The following CLSPN variants were observed in gnomAD, a reference collection of about 807,000 sequenced individuals.
CLSPN encodes the protein claspin, also known as claspin homolog.
A neutral mutation model predicts 156.3 loss-of-function variants in CLSPN; 85 were observed. The ratio of observed to expected loss-of-function variants is 0.54; its 90% CI spans 0.46 to 0.65. The LOEUF (loss-of-function observed/expected upper bound fraction) is 0.65. CLSPN is among the 30% of genes least tolerant of loss of function. The probability of loss-of-function intolerance (pLI) is 0.00; values close to 1 mark genes in which losing one functional copy is unlikely to be tolerated. For synonymous variants in CLSPN, 534 were observed against 542.4 expected (o/e 0.98, Z 0.22); for missense variants, 1,407 against 1,554.9 (o/e 0.90, Z 1.60).
intron 23 of CLSPN, 34 bp from the exon 24 acceptor site, chr1:35,737,109 C>G: frequency 6.2e-7 from 1 of 1,600,932 alleles, no homozygotes; most frequent in East Asian, 2.2e-5. Context: ...TATCAAATCC[C>G]AAGTGCCAAC....
intron 8 of CLSPN, among the ~76,000 whole-genome samples, chr1:35,758,900 C>T (rs1228642596): frequency 2.0e-5 from 3 of 150,898 alleles, no homozygotes; most frequent in African/African-American, 7.3e-5. Flanking sequence ...TCCCGAGTAG[C>T]TGGAACTACA....
intron 23 of CLSPN, 119 bp from the exon 24 acceptor site, chr1:35,737,194 G>A (rs1020778558): frequency 2.4e-6 from 3 of 1,241,544 alleles, no homozygotes; most frequent in Non-Finnish European, 3.5e-6. Flanking sequence ...TATTCAAATA[G>A]AAAAGAAATA....
downstream of CLSPN, among the ~76,000 whole-genome samples, chr1:35,731,002 C>T (rs188253413): frequency 5.5e-4 from 83 of 151,696 alleles, no homozygotes; most frequent in African/African-American, 1.9e-3. Flanking sequence ...GAGTTCGAGA[C>T]CAGCCTGACC....
rs1183956285 is a variant in CLSPN at position 35,733,691 on chromosome 1, G to T, written c.*2805C>A. On this transcript the variant is annotated 3_prime_UTR_variant, in exon 25 of 25. Coordinates refer to ENST00000318121, the MANE Select transcript of CLSPN (RefSeq NM_022111.4). ...CTAAAGAGAAAGGCCAATCAAAGCT[G>T]TAACAGGCTGGGCATGGTGGCTGAG... 2 of 985,278 alleles carry T rather than the reference G, an allele frequency of 2.0e-6. No homozygotes were observed. Among genetic ancestry groups the T allele is most frequent in the Non-Finnish European group, 2.4e-6 (2 of 829,914 alleles). The allele number at this position is 985,278 out of a possible 1,614,324, so 61.0% of individuals were successfully genotyped here.
In CLSPN at chr1:35,761,152, AT is replaced by A. The variant is rs1286109156; in HGVS notation, c.947del (p.Asp316ValfsTer19). On this transcript the variant is annotated frameshift_variant, in exon 7 of 25. Coordinates refer to ENST00000318121, the MANE Select transcript of CLSPN (RefSeq NM_022111.4). LOFTEE classifies it high-confidence loss of function. ...TGGGCCGGGGTTTACGTTTGAAGAAATCATGAATGGTTTTATTCTCAGGCAT... is the reference window on the plus strand; with the variant it reads ...TGGGCCGGGGTTTACGTTTGAAGAAACATGAATGGTTTTATTCTCAGGCAT... ...YHMPENKTIH[D>X]FFKRKPRPTC... The A allele has an allele frequency of 3.1e-6, 5 of 1,613,930 alleles. No homozygotes were observed. The highest frequency in any genetic ancestry group is 3.4e-6 in the Non-Finnish European group (4 of 1,179,902).
In CLSPN at chr1:35,764,526, CCA is replaced by C. The variant is rs1487375762; in HGVS notation, c.320_321del (p.Val107GlyfsTer4). On this transcript the variant is annotated frameshift_variant, in exon 3 of 25. Transcript: ENST00000318121. LOFTEE classifies it high-confidence loss of function. ...NTKIKRIYKTVADSDESYMEK... is the reference protein window; with the variant it reads ...NTKIKRIYKTXADSDESYMEK... ...TCCATGTAACTTTCATCACTGTCTG[CCA>C]CAGTTTTGTAAATCCTTTTGATTTT... 5.6e-6 allele frequency: 9 copies of C among 1,613,790 alleles called. No individual in the cohort carries two copies. The highest frequency in any genetic ancestry group is 7.6e-6 in the Non-Finnish European group (9 of 1,179,964).
At chr1:35,731,377 G>T (rs1357123144), downstream of CLSPN, among the ~76,000 whole-genome samples, 1 of 152,104 alleles carries the variant, frequency 6.6e-6, no homozygotes, top group Admixed American at 6.5e-5. Context: ...ATGCTCCTGA[G>T]GCTGCATGTC....
intron 12 of CLSPN, 116 bp from the exon 13 acceptor site, chr1:35,748,720 TTA>T: frequency 1.3e-6 from 1 of 773,426 alleles, no homozygotes; most frequent in Non-Finnish European, 2.2e-6. Flanking sequence ...ACCCCTCAAG[TTA>T]TATGTTCCAA....
chr1:35,759,492 ACTT>A (rs1052151350), intron 8 of CLSPN, among the ~76,000 whole-genome samples: 1 of 152,156 alleles, frequency 6.6e-6, no homozygotes, highest in African/African-American at 2.4e-5. Context: ...TTATTTGCAT[ACTT>A]CTTATCTCGC....
chr1:35,748,470 C>G lies in CLSPN; in HGVS notation c.2407G>C (p.Ala803Pro). 1 of 1,614,104 alleles carries G rather than the reference C, an allele frequency of 6.2e-7. No individual in the cohort carries two copies. The highest frequency in any genetic ancestry group is 8.5e-7 in the Non-Finnish European group (1 of 1,180,030). ...GGGGAAGGAGATCTGAATCCTCCTGCTGTAGGGAAAAAACTGGTCCCACGG... is the reference window on the plus strand; with the variant it reads ...GGGGAAGGAGATCTGAATCCTCCTGGTGTAGGGAAAAAACTGGTCCCACGG... The part of the protein sequence containing the change: ...TGRGTSFFPT[A>P]GGFRSPSPGL... Residue 803 changes from alanine (A) to proline (P), a missense_variant, in exon 13 of 25, where the codon GCA becomes CCA. Around this residue, in one of 3 missense-constraint regions of CLSPN, gnomAD observed 1,096 missense variants for 1,193.0 expected, o/e 0.92. Transcript: ENST00000318121.
At chr1:35,745,334 G>A in intron 16 of CLSPN, 117 bp downstream of exon 16, 2 of 701,864 alleles carry the variant, frequency 2.8e-6, no homozygotes, top group Non-Finnish European at 2.5e-6. Flanking sequence ...AGGCATATAT[G>A]AGACTCAAAT....
Position 35,733,932 on chromosome 1 carries a change from A to C in CLSPN, c.*2564T>G. On this transcript the variant is annotated 3_prime_UTR_variant, in exon 25 of 25. Coordinates refer to ENST00000318121, the MANE Select transcript of CLSPN (RefSeq NM_022111.4). ...GAGTTCAAGGGTACAGTGAGCTATG[A>C]TTGTGCCACTGCACTCTAACCTGGG... The C allele has an allele frequency of 3.5e-6, 3 of 864,186 alleles. No homozygotes were observed. Among genetic ancestry groups the C allele is most frequent in the Non-Finnish European group, 1.4e-6 (1 of 719,428 alleles). The allele number at this position is 864,186 out of a possible 1,614,324, so 53.5% of individuals were successfully genotyped here.
At chr1:35,726,895 A>T (rs77258333) in intron 24 of CLSPN, among the ~76,000 whole-genome samples, 1,631 of 152,288 alleles carry the variant, frequency 0.011, 29 homozygotes, top group African/African-American at 0.036. Context: ...TTGTTGTTTT[A>T]GTCAGGAGGG....
At chr1:35,767,954 T>A (rs765725273) in intron 1 of CLSPN, among the ~76,000 whole-genome samples, 1 of 152,212 alleles carries the variant, frequency 6.6e-6, no homozygotes, top group African/African-American at 2.4e-5. Context: ...AAGCTAACCC[T>A]AGATGCCAAG....
downstream of CLSPN, among the ~76,000 whole-genome samples, chr1:35,730,336 G>A (rs1641284016): frequency 6.6e-6 from 1 of 151,902 alleles, no homozygotes; most frequent in Non-Finnish European, 1.5e-5. Context: ...TTGAGGTCAG[G>A]AGTTCGAGAT....
At chr1:35,723,194 T>G (rs982882701) in intron 24 of CLSPN, among the ~76,000 whole-genome samples, 1 of 152,214 alleles carries the variant, frequency 6.6e-6, no homozygotes, top group African/African-American at 2.4e-5. Flanking sequence ...TGAAAGGGTA[T>G]CTGTGGCTGG....
rs1472126884 is a variant in CLSPN, at chr1:35,748,419, T to C, written c.2458A>G (p.Ser820Gly). The C allele has an allele frequency of 6.2e-7, 1 of 1,613,874 alleles. No individual in the cohort carries two copies. The highest frequency in any genetic ancestry group is 1.3e-5 in the African/African-American group (1 of 74,898). ...TACCATCTTACCTTAGAAGCTGAGC[T>C]GACCAAACTGGCTCGAAATAGCCCA... ...SPGLFRASLV[S>G]SASKSSGKLS... The change falls in exon 13 of 25, where the codon AGC becomes GGC. Residue 820 changes from serine to glycine, a missense_variant. Physicochemically the swap from Ser to Gly is moderately conservative, Grantham distance 56. This residue lies in a region of CLSPN where 1,096 missense variants were observed against 1,193.0 expected (regional missense o/e 0.92). Coordinates refer to ENST00000318121, the MANE Select transcript of CLSPN (RefSeq NM_022111.4).
chr1:35,748,288 C>A, intron 13 of CLSPN, 117 bp downstream of exon 13: 1 of 1,053,624 alleles, frequency 9.5e-7, no homozygotes, highest in Non-Finnish European at 1.4e-6. Context: ...ATTTTTTAAA[C>A]TGAACACACA....
chr1:35,741,535 C>T (rs1641690536), intron 18 of CLSPN, among the ~76,000 whole-genome samples: 1 of 152,004 alleles, frequency 6.6e-6, no homozygotes, highest in African/African-American at 2.4e-5. Flanking sequence ...AGGCTGGTCT[C>T]GAACTCCTGA....
Sources: allele counts gnomAD v4.1 joint callset (sites outside exome capture counted in the v4.1 genomes callset), GRCh38; gene constraint gnomAD v4.1.1; regional missense constraint gnomAD v4.1.1; transcripts MANE v1.5; gene names NCBI Gene and HGNC (gene_info 2026-07-23, HGNC 2026-07-21).